Variants in CEP290 observed in about 807,000 individuals in gnomAD.
CEP290 encodes the protein centrosomal protein 290.
CEP290 carries 317 observed loss-of-function variants against 344.9 expected under a neutral mutation model. The ratio of observed to expected loss-of-function variants is 0.92; its 90% CI spans 0.84 to 1.01. CEP290 has a LOEUF of 1.01. Ranked by LOEUF, CEP290 falls within the 50% of genes least tolerant of loss-of-function variation. The probability of loss-of-function intolerance (pLI) is 0.00; values close to 1 mark genes in which losing one functional copy is unlikely to be tolerated. For missense variants in CEP290, 2,754 were observed against 2,761.4 expected (o/e 1.00, Z 0.06); for synonymous variants, 932 against 895.8 (o/e 1.04, Z -0.72).
chr12:88,071,656 T>C, intron 42 of CEP290, 125 bp downstream of exon 42: 1 of 869,994 alleles, frequency 1.1e-6, no homozygotes, highest in South Asian at 2.0e-5. Context: ...AAGTAAATCA[T>C]AGATAATAAA....
chr12:88,063,962 T>A lies in CEP290; in HGVS notation c.6270+19A>T. 1.3e-6 allele frequency: 2 copies of A among 1,574,038 alleles called. No homozygotes were observed. The highest frequency in any genetic ancestry group is 1.2e-5 in the South Asian group (1 of 84,162). ...GAGTTTTAGGCATTAGATTTCCTAA[T>A]AAAAAACATTAAATTCACCTTTAAT... On this transcript the variant is annotated intron_variant, in intron 45 of 53. Coordinates refer to ENST00000552810, the MANE Select transcript of CEP290 (RefSeq NM_025114.4).
Position 88,049,105 on chromosome 12 carries a change from G to T in CEP290, c.*79C>A. Reference sequence around the variant, plus strand: ...TAGTGAGAAGGAAATACTACAGTTCGGAGAACTGCTTATTTCCAAGTATAT... The same window carrying T: ...TAGTGAGAAGGAAATACTACAGTTCTGAGAACTGCTTATTTCCAAGTATAT... On this transcript the variant is annotated 3_prime_UTR_variant, in exon 54 of 54. Coordinates refer to ENST00000552810, the MANE Select transcript of CEP290 (RefSeq NM_025114.4). The T allele has an allele frequency of 1.3e-6, 1 of 781,364 alleles. No individual in the cohort carries two copies. The highest frequency in any genetic ancestry group is 2.1e-6 in the Non-Finnish European group (1 of 485,134). The allele number at this position is 781,364 out of a possible 1,614,324, so 48.4% of individuals were successfully genotyped here.
At chr12:88,124,718 G>A (rs1336964403) in intron 13 of CEP290, among the ~76,000 whole-genome samples, 2 of 152,026 alleles carry the variant, frequency 1.3e-5, no homozygotes, top group Non-Finnish European at 2.9e-5. Flanking sequence ...TCGCACTAGT[G>A]TGCCCTGGCA....
At chr12:88,078,320 T>C (rs572872302) in intron 39 of CEP290, among the ~76,000 whole-genome samples, 1 of 152,208 alleles carries the variant, frequency 6.6e-6, no homozygotes, top group Admixed American at 6.6e-5. Context: ...ATTTCTAACC[T>C]AGTTTACAAA....
intron 52 of CEP290, 77 bp from the exon 53 acceptor site, chr12:88,050,510 A>G: frequency 1.6e-6 from 1 of 640,110 alleles, no homozygotes; most frequent in South Asian, 2.1e-5. Flanking sequence ...TTTGTTCTAG[A>G]GAACAGAGAT....
chr12:88,130,687 T>C, intron 7 of CEP290, 122 bp from the exon 8 acceptor site: 1 of 662,624 alleles, frequency 1.5e-6, no homozygotes, highest in Non-Finnish European at 2.4e-6. Context: ...TTATCTTGAA[T>C]AACCAAAGAA....
intron 49 of CEP290, among the ~76,000 whole-genome samples, chr12:88,056,523 T>C (rs1389349991): frequency 6.6e-6 from 1 of 152,186 alleles, no homozygotes; most frequent in Non-Finnish European, 1.5e-5. Flanking sequence ...TAGAAGGGAA[T>C]GTTTTTAACC....
chr12:88,102,743 C>T (rs941885637), intron 26 of CEP290, 95 bp downstream of exon 26: 2 of 905,740 alleles, frequency 2.2e-6, no homozygotes, highest in Middle Eastern at 2.8e-4. Context: ...TAAATGCAGG[C>T]AAACTTTAAT....
intron 25 of CEP290, 35 bp from the exon 26 acceptor site, chr12:88,103,046 G>A (rs1446690223): frequency 1.4e-6 from 2 of 1,420,562 alleles, no homozygotes; most frequent in Non-Finnish European, 1.8e-6. Flanking sequence ...TTATGCTGGT[G>A]TCTTTTTTTC....
chr12:88,067,336 C>T lies in CEP290; in HGVS notation c.6135+1186G>A, dbSNP rs557139502. On this transcript the variant is annotated intron_variant, in intron 44 of 53. Transcript: ENST00000552810. ...TAATGCTTTTTCTAAATCTTACACA[C>T]TTTCCCATTTGCACTATATATGTAC... 1.1e-4 allele frequency among the ~76,000 whole-genome samples: 17 copies of T among 152,260 alleles called. No individual in the cohort carries two copies. The South Asian group carries it at 3.3e-3, about 30-fold the overall frequency.
rs1592703880 is a variant in CEP290, at chr12:88,049,165, C to G, written c.*19G>C. ...AAAGTTAATAAATAGTTAAATGAAA[C>G]AAAGTTTATAGGTGACCTTTAGTAA... is the stretch of plus-strand genomic sequence containing the variant. On this transcript the variant is annotated 3_prime_UTR_variant, in exon 54 of 54. Transcript: ENST00000552810. The G allele has an allele frequency of 7.1e-7, 1 of 1,416,660 alleles. No homozygotes were observed. The allele number at this position is 1,416,660 out of a possible 1,614,324, so 87.8% of individuals were successfully genotyped here.
At chr12:88,065,660 AT>A (rs1351301582) in intron 44 of CEP290, among the ~76,000 whole-genome samples, 1 of 152,172 alleles carries the variant, frequency 6.6e-6, no homozygotes, top group African/African-American at 2.4e-5. Context: ...ATAAACACCT[AT>A]TAATATCACT....
At chr12:88,088,035 T>C in intron 31 of CEP290, 91 bp from the exon 32 acceptor site, 1 of 473,788 alleles carries the variant, frequency 2.1e-6, no homozygotes, top group Non-Finnish European at 3.5e-6. Flanking sequence ...TTGAAAGTAA[T>C]GGCCATTCTA....
chr12:88,111,319 TA>T lies in CEP290; in HGVS notation c.2249del (p.Leu750TyrfsTer20). Reference protein sequence around the residue: ...IDHLEKETSLLRQSEGSNVVF... With the variant: ...IDHLEKETSLXRQSEGSNVVF... ...CAACATTTGATCCTTCTGATTGTCG[TA>T]AAAGACTAGTTTCTTTTTCAAGATG... On this transcript the variant is annotated frameshift_variant, in exon 22 of 54. Coordinates refer to ENST00000552810, the MANE Select transcript of CEP290 (RefSeq NM_025114.4). LOFTEE classifies it high-confidence loss of function. The T allele has an allele frequency of 6.4e-7, 1 of 1,564,188 alleles. No individual in the cohort carries two copies. Among genetic ancestry groups the T allele is most frequent in the South Asian group, 1.2e-5 (1 of 83,408 alleles).
intron 23 of CEP290, among the ~76,000 whole-genome samples, chr12:88,107,611 CAAA>C (rs1202005069): frequency 4.2e-5 from 5 of 119,942 alleles, no homozygotes; most frequent in Admixed American, 8.7e-5. Context: ...GTTCTTAGTG[CAAA>C]AAAAAAAAAA....
intron 25 of CEP290, 128 bp downstream of exon 25, chr12:88,106,547 C>T: frequency 1.7e-6 from 1 of 605,536 alleles, no homozygotes; most frequent in Non-Finnish European, 2.7e-6. Context: ...TCAGAAGAAG[C>T]AATTATGACA....
In CEP290 at chr12:88,106,795, T is replaced by C. The variant is rs770769486; in HGVS notation, c.2697A>G (p.Gln899=). The change falls in exon 25 of 54, where the codon CAA becomes CAG. Residue 899 remains glutamine (Q), a synonymous_variant. Coordinates refer to ENST00000552810, the MANE Select transcript of CEP290 (RefSeq NM_025114.4). The part of the protein sequence containing the change: ...LQVNEKSLIR[Q]YTTLVELERQ... ...GCTCCAATTCTACTAAGGTTGTATA[T>C]TGCCTTATAAGTGATTTTTCATTCA... 8 of 1,609,754 alleles carry C rather than the reference T, an allele frequency of 5.0e-6. No individual in the cohort carries two copies. The highest frequency in any genetic ancestry group is 5.1e-6 in the Non-Finnish European group (6 of 1,177,528).
rs2038962868 is a variant in CEP290, at chr12:88,115,177, T to C, written c.1830A>G (p.Glu610=). Residue 610 remains glutamate (E), a synonymous_variant, in exon 19 of 54, where the codon GAA becomes GAG. Coordinates refer to ENST00000552810, the MANE Select transcript of CEP290 (RefSeq NM_025114.4). ...KNMSEAQSKN[E]FLSRELIEKE... is the part of the protein sequence containing the mutation. Reference sequence around the variant, plus strand: ...TTTCAATTAGTTCTCTTGAAAGAAATTCATTCTGAAAAAAGCAGAGAGAAT... The same window carrying C: ...TTTCAATTAGTTCTCTTGAAAGAAACTCATTCTGAAAAAAGCAGAGAGAAT... 1 of 1,449,262 alleles carries C rather than the reference T, an allele frequency of 6.9e-7. No homozygotes were observed. The highest frequency in any genetic ancestry group is 9.5e-7 in the Non-Finnish European group (1 of 1,056,178). 89.8% of individuals were successfully genotyped at this position (1,449,262 alleles called of 1,614,324 possible). A position where few individuals can be genotyped will look rare whatever the true frequency, so the allele number is the denominator to read the frequency against.
intron 11 of CEP290, 86 bp from the exon 12 acceptor site, chr12:88,126,524 T>C (rs2039742292): frequency 1.1e-6 from 1 of 890,428 alleles, no homozygotes; most frequent in South Asian, 2.3e-5. Flanking sequence ...ACACCGTTAG[T>C]AGATTTATGA....
Sources: allele counts gnomAD v4.1 joint callset (sites outside exome capture counted in the v4.1 genomes callset), GRCh38; gene constraint gnomAD v4.1.1; transcripts MANE v1.5; gene names NCBI Gene and HGNC (gene_info 2026-07-23, HGNC 2026-07-21).